The following RUNDC1 variants were observed in gnomAD, a reference collection of about 807,000 sequenced individuals.
The protein encoded by RUNDC1 is RUN domain containing 1.
A neutral mutation model predicts 49.3 loss-of-function variants in RUNDC1; 31 were observed. That is an observed-to-expected ratio of 0.63 (90% CI 0.47 to 0.85). The LOEUF (loss-of-function observed/expected upper bound fraction) is 0.85. Among genes scored for constraint, RUNDC1 ranks in the 40% least tolerant of loss-of-function variants. RUNDC1 has a pLI of 0.00. For synonymous variants in RUNDC1, 347 were observed against 348.6 expected, an observed-to-expected ratio of 1.00 and a Z score of 0.05; for missense variants, 715 against 806.7, an observed-to-expected ratio of 0.89 and a Z score of 1.38.
chr17:42,989,626 T>C (rs1182272746), intron 3 of RUNDC1, 87 bp downstream of exon 3: 7 of 1,300,532 alleles, frequency 5.4e-6, no homozygotes, highest in Admixed American at 1.9e-5. Context: ...GTTCTAATTC[T>C]GGTTTTTTGT....
chr17:42,985,602 C>CTT (rs71157692), intron 1 of RUNDC1: 3,820 of 170,772 alleles, frequency 0.022, 11 homozygotes, highest in East Asian at 0.031. Context: ...TTGTTGTTTT[C>CTT]TTTTTTTTTT....
At chr17:42,987,472 C>T (rs1329004475) in intron 2 of RUNDC1, 58 bp downstream of exon 2, 2 of 1,513,820 alleles carry the variant, frequency 1.3e-6, no homozygotes, top group Non-Finnish European at 1.8e-6. Flanking sequence ...TCCCTTCCAG[C>T]ATTCACAGGG....
chr17:42,982,996 A>AC (rs1243654750), intron 1 of RUNDC1, among the ~76,000 whole-genome samples: 5 of 150,044 alleles, frequency 3.3e-5, no homozygotes, highest in Non-Finnish European at 3.0e-5. Flanking sequence ...CTCAAAAAAA[A>AC]ACACACAAAA....
chr17:42,980,847 G>C lies in RUNDC1; in HGVS notation c.271G>C (p.Asp91His). The stretch of plus-strand genomic sequence containing the variant: ...GCTGCGGGCAGAGCGGCGGCGGCTG[G>C]ACTCGGCGCTGCTGGCGCTGTCCTC... ...RRLRAERRRLDSALLALSSHF... is the reference protein window; with the variant it reads ...RRLRAERRRLHSALLALSSHF... The change falls in exon 1 of 5, where the codon GAC becomes CAC. Residue 91 changes from aspartate (D) to histidine (H), a missense_variant. Around this residue, in one of 5 missense-constraint regions of RUNDC1, gnomAD observed 153 missense variants for 139.4 expected, o/e 1.10. Coordinates refer to ENST00000361677, the MANE Select transcript of RUNDC1 (RefSeq NM_173079.5). 1 of 1,400,132 alleles carries C rather than the reference G, an allele frequency of 7.1e-7. No individual in the cohort carries two copies. Among genetic ancestry groups the C allele is most frequent in the Admixed American group, 3.5e-5 (1 of 28,964 alleles). 86.7% of individuals were successfully genotyped at this position (1,400,132 alleles called of 1,614,324 possible). A position where few individuals can be genotyped will look rare whatever the true frequency, so the allele number is the denominator to read the frequency against.
In RUNDC1 at chr17:42,991,216, G is replaced by C. The variant is rs2050235810; in HGVS notation, c.1342G>C (p.Gly448Arg). 4.3e-6 allele frequency: 7 copies of C among 1,614,224 alleles called. No individual in the cohort carries two copies. The East Asian group carries it at 1.6e-4, about 36-fold the overall frequency. Residue 448 changes from glycine (G) to arginine (R), a missense_variant, in exon 5 of 5, where the codon GGG becomes CGG. Physicochemically the swap from Gly to Arg is moderately radical, Grantham distance 125. Around this residue, in one of 5 missense-constraint regions of RUNDC1, gnomAD observed 425 missense variants for 499.7 expected, o/e 0.85. Coordinates refer to ENST00000361677, the MANE Select transcript of RUNDC1 (RefSeq NM_173079.5). ...CCATGGACTGTATGCCTCCTCCCCA[G>C]GGATGAGCCTTGTTATGGCTCCTAT... is the stretch of plus-strand genomic sequence containing the variant. ...LAHGLYASSP[G>R]MSLVMAPIAC...
Position 42,994,296 on chromosome 17 carries a change from C to T in RUNDC1, c.*2580C>T, listed in dbSNP as rs563388378. On this transcript the variant is annotated 3_prime_UTR_variant, in exon 5 of 5. Transcript: ENST00000361677. The stretch of plus-strand genomic sequence containing the variant: ...ACAAAACTTGTATTAAGGCTTTGTG[C>T]TAGCATTACAGGAAGCATTTTCATT... 5.3e-5 allele frequency among the ~76,000 whole-genome samples: 8 copies of T among 152,362 alleles called. No homozygotes were observed. In the South Asian group the frequency reaches 1.0e-3, roughly 20 times the overall value.
rs1004226736 is a variant in RUNDC1, at chr17:42,994,289, C to G, written c.*2573C>G. On this transcript the variant is annotated 3_prime_UTR_variant, in exon 5 of 5. Transcript: ENST00000361677. ...CACAAAAACAAAACTTGTATTAAGG[C>G]TTTGTGCTAGCATTACAGGAAGCAT... is the stretch of plus-strand genomic sequence containing the variant. 4.6e-5 allele frequency among the ~76,000 whole-genome samples: 7 copies of G among 152,224 alleles called. No individual in the cohort carries two copies. Among genetic ancestry groups the G allele is most frequent in the Non-Finnish European group, 1.0e-4 (7 of 68,046 alleles).
In RUNDC1 at chr17:42,990,476, G is replaced by GA. The variant is rs1208839585; in HGVS notation, c.976+43dup. 7 of 1,601,430 alleles carry GA rather than the reference G, an allele frequency of 4.4e-6. No homozygotes were observed. The African/African-American group carries it at 8.0e-5, about 18-fold the overall frequency. ...CAGAACAGGCAAATCTCTAGAGACA[G>GA]AAAGTAGATGAGTGGTTGCCTAGGG... On this transcript the variant is annotated intron_variant, in intron 4 of 4. Transcript: ENST00000361677.
chr17:42,990,482 A>C (rs1389466165), intron 4 of RUNDC1, 46 bp downstream of exon 4: 1 of 1,594,622 alleles, frequency 6.3e-7, no homozygotes, highest in Non-Finnish European at 8.6e-7. Flanking sequence ...GACAGAAAGT[A>C]GATGAGTGGT....
rs181158419 is a variant in RUNDC1 at position 42,993,080 on chromosome 17, C to T, written c.*1364C>T. 1 of 152,308 alleles carries T rather than the reference C, an allele frequency of 6.6e-6. No homozygotes were observed. Among genetic ancestry groups the T allele is most frequent in the East Asian group, 1.9e-4 (1 of 5,190 alleles). 9.4% of individuals were successfully genotyped at this position (152,308 alleles called of 1,614,324 possible). ...ACAAATCGGTAACCAGCAGCTGTTC[C>T]TCAGGTTGTGACTCACTGAGCACCA... On this transcript the variant is annotated 3_prime_UTR_variant, in exon 5 of 5. Transcript: ENST00000361677.
At chr17:42,987,198 A>G in intron 1 of RUNDC1, 58 bp from the exon 2 acceptor site, 1 of 1,389,736 alleles carries the variant, frequency 7.2e-7, no homozygotes, top group East Asian at 2.3e-5. Flanking sequence ...GCAGATTCTT[A>G]ATGTGCCCTG....
In RUNDC1 at chr17:42,980,569, C is replaced by T. The variant is rs372010788; in HGVS notation, c.-8C>T. The T allele has an allele frequency of 1.6e-5, 25 of 1,609,362 alleles. No individual in the cohort carries two copies. Among genetic ancestry groups the T allele is most frequent in the Middle Eastern group, 2.3e-4 (1 of 4,434 alleles). On this transcript the variant is annotated 5_prime_UTR_variant, in exon 1 of 5. Transcript: ENST00000361677. ...GCGCGGCTGACGTGCGGTGGTGTTTCCGGGAAGATGGCGGCTGTCGAAGCG... is the reference window on the plus strand; with the variant it reads ...GCGCGGCTGACGTGCGGTGGTGTTTTCGGGAAGATGGCGGCTGTCGAAGCG...
Position 42,980,569 on chromosome 17 carries a change from C to A in RUNDC1, c.-8C>A. 1 of 1,609,362 alleles carries A rather than the reference C, an allele frequency of 6.2e-7. No individual in the cohort carries two copies. The highest frequency in any genetic ancestry group is 8.5e-7 in the Non-Finnish European group (1 of 1,179,218). On this transcript the variant is annotated 5_prime_UTR_variant, in exon 1 of 5. Transcript: ENST00000361677. ...GCGCGGCTGACGTGCGGTGGTGTTT[C>A]CGGGAAGATGGCGGCTGTCGAAGCG...
Position 42,980,964 on chromosome 17 carries a change from G to T in RUNDC1, c.388G>T (p.Ala130Ser). ...QRLLRELEDF[A>S]FRGCPHVLGY... ...CCTTCTGCGGGAGCTCGAAGACTTCGCCTTCCGCGGCTGCCCTCACGTCCT... is the reference window on the plus strand; with the variant it reads ...CCTTCTGCGGGAGCTCGAAGACTTCTCCTTCCGCGGCTGCCCTCACGTCCT... Residue 130 changes from alanine (A) to serine (S), a missense_variant, in exon 1 of 5, where the codon GCC (alanine) becomes TCC (serine). Physicochemically the swap from Ala to Ser is moderately conservative, Grantham distance 99 (BLOSUM62 1). Transcript: ENST00000361677. 2 of 1,541,864 alleles carry T rather than the reference G, an allele frequency of 1.3e-6. No individual in the cohort carries two copies. Among genetic ancestry groups the T allele is most frequent in the East Asian group, 2.4e-5 (1 of 41,166 alleles).
chr17:42,991,747 T>G lies in RUNDC1; in HGVS notation c.*31T>G. 1 of 1,583,150 alleles carries G rather than the reference T, an allele frequency of 6.3e-7. No individual in the cohort carries two copies. The highest frequency in any genetic ancestry group is 2.2e-5 in the East Asian group (1 of 44,726). ...GTGCCCTAACCCCAGACAAGCTCCT[T>G]GTTCAGTAGGGATAGATGTGCTAGT... is the stretch of plus-strand genomic sequence containing the variant. On this transcript the variant is annotated 3_prime_UTR_variant, in exon 5 of 5. Transcript: ENST00000361677.
chr17:42,984,553 A>G (rs935748752), intron 1 of RUNDC1, among the ~76,000 whole-genome samples: 1 of 152,038 alleles, frequency 6.6e-6, no homozygotes, highest in Non-Finnish European at 1.5e-5. Flanking sequence ...ATTTTAAACC[A>G]ATATTTTCTC....
In RUNDC1 at chr17:42,989,337, G is replaced by T; in HGVS notation, c.658-4G>T. 1 of 1,611,960 alleles carries T rather than the reference G, an allele frequency of 6.2e-7. No individual in the cohort carries two copies. Among genetic ancestry groups the T allele is most frequent in the Non-Finnish European group, 8.5e-7 (1 of 1,178,680 alleles). On this transcript the variant is annotated splice_region_variant and splice_polypyrimidine_tract_variant and intron_variant, in intron 2 of 4. Coordinates refer to ENST00000361677, the MANE Select transcript of RUNDC1 (RefSeq NM_173079.5). ...GGTGTGCTCATTGCTTGTGATCTTG[G>T]TAGGTGATCATAGATGAGTTAATAA...
At chr17:42,983,863 G>T (rs567300151) in intron 1 of RUNDC1, among the ~76,000 whole-genome samples, 1 of 151,800 alleles carries the variant, frequency 6.6e-6, no homozygotes, top group South Asian at 2.1e-4. Context: ...GTAGAGATGG[G>T]GTTTTGCCAT....
At position 42,991,194 on chromosome 17, in the gene RUNDC1, T is replaced by C. The variant is rs1455854751; in HGVS notation, c.1320T>C (p.His440=). ...LTVAVRDLLA[H]GLYASSPGMS... The stretch of plus-strand genomic sequence containing the variant: ...TGGCTGTGAGGGACCTGCTGGCCCA[T>C]GGACTGTATGCCTCCTCCCCAGGGA... The change falls in exon 5 of 5, where the codon CAT becomes CAC. Residue 440 remains histidine, a synonymous_variant. Transcript: ENST00000361677. The C allele has an allele frequency of 7.4e-6, 12 of 1,614,092 alleles. No homozygotes were observed. Among genetic ancestry groups the C allele is most frequent in the African/African-American group, 1.3e-5 (1 of 74,936 alleles).
Sources: gnomAD v4.1 joint callset for allele counts (sites outside exome capture counted in the v4.1 genomes callset) on GRCh38, gnomAD v4.1.1 for gene constraint, gnomAD v4.1.1 regional missense constraint, MANE v1.5 for transcripts, NCBI Gene and HGNC (gene_info 2026-07-23, HGNC 2026-07-21) for gene names.